FRMD3: variants seen among roughly 807,000 people sequenced by gnomAD.
FRMD3 encodes the protein FERM domain containing 3, also known as FERM domain-containing protein 3.
In FRMD3, 33 loss-of-function variants were observed where a neutral mutation model predicts 70.2. The observed-to-expected ratio is 0.47, with a 90% CI of 0.36 to 0.63. The LOEUF (loss-of-function observed/expected upper bound fraction) is 0.63. Ranked by LOEUF, FRMD3 falls within the 20% of genes least tolerant of loss-of-function variation. The pLI is 0.00. For missense variants in FRMD3, 632 were observed against 711.4 expected, an observed-to-expected ratio of 0.89 and a Z score of 1.27; for synonymous variants, 279 against 255.9, an observed-to-expected ratio of 1.09 and a Z score of -0.86.
intron 3 of FRMD3, among the ~76,000 whole-genome samples, chr9:83,353,114 T>C (rs1210882545): frequency 6.6e-6 from 1 of 152,132 alleles, no homozygotes; most frequent in Non-Finnish European, 1.5e-5. Context: ...TTTTCTCTCA[T>C]ATCTAGCCAA....
At chr9:83,495,379 G>A (rs1828921834) in intron 1 of FRMD3, among the ~76,000 whole-genome samples, 1 of 152,158 alleles carries the variant, frequency 6.6e-6, no homozygotes, top group African/African-American at 2.4e-5. Context: ...CCTTGGTAAG[G>A]GGACAGAGCC....
At chr9:83,502,101 G>T (rs1353822447) in intron 1 of FRMD3, among the ~76,000 whole-genome samples, 2 of 152,176 alleles carry the variant, frequency 1.3e-5, no homozygotes, top group Non-Finnish European at 2.9e-5. Context: ...TGGACCTGGG[G>T]TGGATCACAA....
chr9:83,557,353 G>A, the FRMD3 span, among the ~76,000 whole-genome samples: 1 of 152,066 alleles, frequency 6.6e-6, no homozygotes, highest in Non-Finnish European at 1.5e-5. Context: ...TATGACATTG[G>A]TAACAACAAT....
rs556645661 is a variant in FRMD3, at chr9:83,400,629, G to T, written c.148-10921C>A. Among the ~76,000 whole-genome samples the T allele has an allele frequency of 9.7e-4, 147 of 152,248 alleles. 1 individual carries two copies. Among genetic ancestry groups the T allele is most frequent in the African/African-American group, 3.4e-3 (141 of 41,546 alleles). On this transcript the variant is annotated intron_variant, in intron 1 of 13. Transcript: ENST00000304195. Reference sequence around the variant, plus strand: ...GAGGACTGATGCTACCCAGCTTCAAGACTTACTATAAAGTTACAGTGATGA... The same window carrying T: ...GAGGACTGATGCTACCCAGCTTCAATACTTACTATAAAGTTACAGTGATGA...
At position 83,246,678 on chromosome 9, in the gene FRMD3, C is replaced by CACAT. The variant is rs1394650944; in HGVS notation, c.*1239_*1240insATGT. The CACAT allele has an allele frequency of 1.0e-6, 1 of 984,450 alleles. No homozygotes were observed. The allele number at this position is 984,450 out of a possible 1,614,324, so 61.0% of individuals were successfully genotyped here. On this transcript the variant is annotated 3_prime_UTR_variant, in exon 14 of 14. Coordinates refer to ENST00000304195, the MANE Select transcript of FRMD3 (RefSeq NM_174938.6). ...TCTCTCTCTCTCTCTCTCACACACACACACACGCACACTCACATACAAACA... is the reference window on the plus strand; with the variant it reads ...TCTCTCTCTCTCTCTCTCACACACACACATACACACGCACACTCACATACAAACA...
chr9:83,555,283 G>A, the FRMD3 span, among the ~76,000 whole-genome samples: 1 of 151,924 alleles, frequency 6.6e-6, no homozygotes, highest in African/African-American at 2.4e-5. Flanking sequence ...GTCCCAGGGG[G>A]AATTAAGATC....
intron 2 of FRMD3, among the ~76,000 whole-genome samples, chr9:83,383,438 ATTT>A (rs1260902905): frequency 5.9e-5 from 9 of 152,150 alleles, no homozygotes; most frequent in Admixed American, 6.5e-5. Context: ...TAAAATAGTC[ATTT>A]TCTAACCTAT....
chr9:83,293,786 G>A (rs775249411), intron 12 of FRMD3, among the ~76,000 whole-genome samples: 1 of 152,200 alleles, frequency 6.6e-6, no homozygotes, highest in Non-Finnish European at 1.5e-5. Context: ...GACGTGCCTT[G>A]TATTAGACCA....
chr9:83,334,898 G>A (rs1386420969), intron 6 of FRMD3, among the ~76,000 whole-genome samples: 1 of 152,178 alleles, frequency 6.6e-6, no homozygotes, highest in African/African-American at 2.4e-5. Context: ...TGTAATATGA[G>A]AATAACAATA....
chr9:83,273,609 TAAAA>T lies in FRMD3; in HGVS notation c.1195+16990_1195+16993del, dbSNP rs899879607. ...CCTGCCAAATCCGATCAATAAATAC[TAAAA>T]AAAAAAAAAAAAAACCTGGGGAAAA... On this transcript the variant is annotated intron_variant, in intron 13 of 13. Coordinates refer to ENST00000304195, the MANE Select transcript of FRMD3 (RefSeq NM_174938.6). Among the ~76,000 whole-genome samples, 4 of 71,328 alleles carry T rather than the reference TAAAA, an allele frequency of 5.6e-5. No homozygotes were observed. In the South Asian group the frequency reaches 1.5e-3, roughly 26 times the overall value. 46.8% of individuals were successfully genotyped at this position (71,328 alleles called of 152,430 possible). A position where few individuals can be genotyped will look rare whatever the true frequency, so the allele number is the denominator to read the frequency against.
At chr9:83,549,954 T>C in the FRMD3 span, among the ~76,000 whole-genome samples, 1 of 152,216 alleles carries the variant, frequency 6.6e-6, no homozygotes, top group South Asian at 2.1e-4. Flanking sequence ...TAAAGTTTAA[T>C]TAGGTCTCAT....
chr9:83,583,432 A>G, the FRMD3 span, among the ~76,000 whole-genome samples: 7 of 152,120 alleles, frequency 4.6e-5, no homozygotes, highest in African/African-American at 1.7e-4. Flanking sequence ...TTTTCTCACA[A>G]TACCGTACTA....
rs200854226 is a variant in FRMD3 at position 83,298,855 on chromosome 9, C to T, written c.1002-39G>A. ...AAACACATGTGTATGCACACATAGT[C>T]AGAGAAGAATGGGAGGGATATGCAC... On this transcript the variant is annotated intron_variant, in intron 11 of 13. Coordinates refer to ENST00000304195, the MANE Select transcript of FRMD3 (RefSeq NM_174938.6). 20 of 1,581,792 alleles carry T rather than the reference C, an allele frequency of 1.3e-5. No homozygotes were observed. The African/African-American group carries it at 2.0e-4, about 16-fold the overall frequency.
At chr9:83,359,997 G>T (rs1824532019) in intron 3 of FRMD3, among the ~76,000 whole-genome samples, 1 of 152,230 alleles carries the variant, frequency 6.6e-6, no homozygotes, top group African/African-American at 2.4e-5. Flanking sequence ...TACCTGGGTT[G>T]AAAGAGTGAG....
At chr9:83,342,725 TAG>T (rs1823812265) in intron 5 of FRMD3, among the ~76,000 whole-genome samples, 2 of 139,698 alleles carry the variant, frequency 1.4e-5, no homozygotes, top group South Asian at 2.3e-4. Flanking sequence ...GATAGATAGA[TAG>T]ATAGATAGTT....
At chr9:83,527,703 T>C (rs902837799) in intron 1 of FRMD3, among the ~76,000 whole-genome samples, 8 of 151,970 alleles carry the variant, frequency 5.3e-5, no homozygotes, top group African/African-American at 1.9e-4. Context: ...CACAGAAACA[T>C]CCAACCGAGA....
chr9:83,550,249 T>G, the FRMD3 span, among the ~76,000 whole-genome samples: 2 of 152,172 alleles, frequency 1.3e-5, no homozygotes, highest in Admixed American at 6.6e-5. Context: ...AAAGATCAGA[T>G]GGTCGTAGAT....
At chr9:83,336,796 T>G (rs1823595928) in intron 5 of FRMD3, among the ~76,000 whole-genome samples, 2 of 151,148 alleles carry the variant, frequency 1.3e-5, no homozygotes, top group South Asian at 2.1e-4. Flanking sequence ...TAATTGCTAT[T>G]AGGTTTCCTA....
intron 13 of FRMD3, among the ~76,000 whole-genome samples, chr9:83,256,591 G>A (rs1014941909): frequency 2.6e-5 from 4 of 152,008 alleles, no homozygotes; most frequent in East Asian, 1.9e-4. Context: ...TAAAAAATGG[G>A]AGAAAATTTT....
Sources: gnomAD v4.1 joint callset for allele counts (sites outside exome capture counted in the v4.1 genomes callset) on GRCh38, gnomAD v4.1.1 for gene constraint, MANE v1.5 for transcripts, NCBI Gene and HGNC (gene_info 2026-07-23, HGNC 2026-07-21) for gene names.